The following DACH1 variants were observed in gnomAD, a reference collection of about 807,000 sequenced individuals.
DACH1 encodes the protein dachshund family transcription factor 1.
In DACH1, 12 loss-of-function variants were observed where a neutral mutation model predicts 54.2. The observed-to-expected ratio is 0.22, with a 90% CI of 0.14 to 0.36. The LOEUF is 0.36. DACH1 is among the 10% of genes least tolerant of loss of function. The pLI is 1.00. For synonymous variants in DACH1, 386 were observed against 366.2 expected (o/e 1.05, Z -0.62); for missense variants, 805 against 929.8 (o/e 0.87, Z 1.75).
chr13:71,476,477 G>A (rs768722964), intron 8 of DACH1, among the ~76,000 whole-genome samples: 1 of 152,234 alleles, frequency 6.6e-6, no homozygotes, highest in South Asian at 2.1e-4. Flanking sequence ...ATGATTTCCT[G>A]AGAATATTTT....
At chr13:71,733,447 G>A (rs1398079847) in intron 1 of DACH1, among the ~76,000 whole-genome samples, 2 of 152,114 alleles carry the variant, frequency 1.3e-5, no homozygotes. Flanking sequence ...CTCCCAAACT[G>A]CCGGGATTAC....
At chr13:71,637,569 A>G (rs1376801797) in intron 2 of DACH1, among the ~76,000 whole-genome samples, 1 of 152,192 alleles carries the variant, frequency 6.6e-6, no homozygotes, top group Non-Finnish European at 1.5e-5. Flanking sequence ...CTGTATTAAG[A>G]CAAAGCCTTC....
At chr13:71,648,616 G>A (rs116531998) in intron 2 of DACH1, among the ~76,000 whole-genome samples, 1 of 152,148 alleles carries the variant, frequency 6.6e-6, no homozygotes, top group African/African-American at 2.4e-5. Context: ...TGAAGACTAA[G>A]AGCTGTGTTC....
chr13:71,608,426 C>T (rs1566375066), intron 3 of DACH1, among the ~76,000 whole-genome samples: 1 of 151,914 alleles, frequency 6.6e-6, no homozygotes, highest in Non-Finnish European at 1.5e-5. Flanking sequence ...ATGGATAAAA[C>T]CTCTGAGCTT....
chr13:71,462,915 CAT>C (rs10590058), intron 10 of DACH1, among the ~76,000 whole-genome samples: 498 of 11,726 alleles, frequency 0.042, 1 homozygote, highest in Middle Eastern at 0.33. Context: ...CACACACACA[CAT>C]AAACCATGAA....
At position 71,735,531 on chromosome 13, in the gene DACH1, C is replaced by CGTATACGGGATATACGT. The variant is rs1566468240; in HGVS notation, c.849-53622_849-53621insACGTATATCCCGTATAC. 3.3e-4 allele frequency among the ~76,000 whole-genome samples: 16 copies of CGTATACGGGATATACGT among 47,806 alleles called. 1 individual carries two copies. Among genetic ancestry groups the CGTATACGGGATATACGT allele is most frequent in the African/African-American group, 1.0e-3 (16 of 15,880 alleles). The allele number at this position is 47,806 out of a possible 152,430, so 31.4% of individuals were successfully genotyped here. ...GATATACGTGTATATGGGATATACA[C>CGTATACGGGATATACGT]GTATATGGGATATACGTGTATATGG... is the stretch of plus-strand genomic sequence containing the variant. On this transcript the variant is annotated intron_variant, in intron 1 of 10. Transcript: ENST00000613252.
At chr13:71,649,611 C>A (rs1275951385) in intron 2 of DACH1, among the ~76,000 whole-genome samples, 1 of 152,028 alleles carries the variant, frequency 6.6e-6, no homozygotes, top group Non-Finnish European at 1.5e-5. Flanking sequence ...TAACAAACAC[C>A]ATATAGAAAC....
Position 71,860,868 on chromosome 13 carries a change from T to A in DACH1, c.848+5054A>T, listed in dbSNP as rs191297302. Among the ~76,000 whole-genome samples, 73 of 152,096 alleles carry A rather than the reference T, an allele frequency of 4.8e-4. 1 individual carries two copies. The highest frequency in any genetic ancestry group is 3.4e-3 in the Middle Eastern group (1 of 294). On this transcript the variant is annotated intron_variant, in intron 1 of 10. Transcript: ENST00000613252. ...AAATAACAACTACTTGGTTGCACAT[T>A]AAGCTAATTTACTAATGCTACTTAT...
intron 10 of DACH1, among the ~76,000 whole-genome samples, chr13:71,467,805 G>T (rs146965803): frequency 6.6e-6 from 1 of 151,892 alleles, no homozygotes; most frequent in South Asian, 2.1e-4. Context: ...GGGACTAGAG[G>T]GAAATTTATT....
At chr13:71,818,833 C>T (rs1888069786) in intron 1 of DACH1, among the ~76,000 whole-genome samples, 1 of 152,188 alleles carries the variant, frequency 6.6e-6, no homozygotes, top group Non-Finnish European at 1.5e-5. Context: ...CTGTGTCTAT[C>T]AATATATAGC....
At chr13:71,703,668 A>G (rs1400595145) in intron 1 of DACH1, among the ~76,000 whole-genome samples, 2 of 151,584 alleles carry the variant, frequency 1.3e-5, no homozygotes, top group East Asian at 3.8e-4. Context: ...TGTGAAAAGA[A>G]ACTCAAAGCT....
chr13:71,451,398 C>G (rs1875043590), intron 10 of DACH1, among the ~76,000 whole-genome samples: 1 of 152,104 alleles, frequency 6.6e-6, no homozygotes, highest in Non-Finnish European at 1.5e-5. Flanking sequence ...TTTCTAGCAT[C>G]TTGAGCATTG....
At chr13:71,825,156 G>C (rs1164384080) in intron 1 of DACH1, among the ~76,000 whole-genome samples, 1 of 151,982 alleles carries the variant, frequency 6.6e-6, no homozygotes, top group Non-Finnish European at 1.5e-5. Context: ...AATGTCTTAT[G>C]TGCTTCATAT....
intron 1 of DACH1, among the ~76,000 whole-genome samples, chr13:71,813,295 GC>G (rs1357699483): frequency 6.6e-6 from 1 of 152,114 alleles, no homozygotes; most frequent in African/African-American, 2.4e-5. Flanking sequence ...ACAAAGTCTT[GC>G]AAGTTAGATA....
chr13:71,713,572 A>C (rs1393573355), intron 1 of DACH1, among the ~76,000 whole-genome samples: 1 of 152,132 alleles, frequency 6.6e-6, no homozygotes, highest in African/African-American at 2.4e-5. Context: ...TTAAATTCTC[A>C]TGGTGATCTG....
intron 2 of DACH1, among the ~76,000 whole-genome samples, chr13:71,641,496 T>C (rs1030424330): frequency 2.6e-5 from 4 of 152,152 alleles, no homozygotes; most frequent in Non-Finnish European, 5.9e-5. Context: ...GTTTTCCTCA[T>C]CTGGTTACAA....
chr13:71,674,203 C>T (rs1880403866), intron 2 of DACH1, among the ~76,000 whole-genome samples: 1 of 152,154 alleles, frequency 6.6e-6, no homozygotes, highest in Non-Finnish European at 1.5e-5. Flanking sequence ...CCATACCCCA[C>T]CTGGACTTCT....
chr13:71,675,001 C>A (rs1318614813), intron 2 of DACH1: 6 of 694,752 alleles, frequency 8.6e-6, no homozygotes, highest in Non-Finnish European at 1.0e-5. Flanking sequence ...AACGCCAGCG[C>A]CGCCTCTCGC....
chr13:71,841,151 C>T (rs1278037787), intron 1 of DACH1, among the ~76,000 whole-genome samples: 1 of 151,994 alleles, frequency 6.6e-6, no homozygotes, highest in Non-Finnish European at 1.5e-5. Flanking sequence ...AATATTAAAC[C>T]ACTTTATTTG....
Sources: allele counts gnomAD v4.1 joint callset (sites outside exome capture counted in the v4.1 genomes callset), GRCh38; gene constraint gnomAD v4.1.1; transcripts MANE v1.5; gene names NCBI Gene and HGNC (gene_info 2026-07-23, HGNC 2026-07-21).